Variants in PARD3B observed in about 807,000 individuals in gnomAD.
PARD3B encodes par-3 family cell polarity regulator beta, also known as partitioning defective 3 homolog B.
PARD3B carries 103 observed loss-of-function variants against 130.2 expected under a neutral mutation model. The observed-to-expected ratio is 0.79, with a 90% CI of 0.67 to 0.93. PARD3B has a LOEUF of 0.93. PARD3B is among the 40% of genes least tolerant of loss of function. PARD3B has a pLI of 0.00. For missense variants in PARD3B, 1,609 were observed against 1,499.2 expected (o/e 1.07, Z -1.21); for synonymous variants, 583 against 553.2 (o/e 1.05, Z -0.76).
chr2:204,785,811 T>C (rs1225144948), intron 2 of PARD3B, among the ~76,000 whole-genome samples: 1 of 152,184 alleles, frequency 6.6e-6, no homozygotes, highest in African/African-American at 2.4e-5. Flanking sequence ...CTTCACTGGG[T>C]ACCATTCAAA....
chr2:205,540,602 T>C (rs975103), intron 21 of PARD3B, among the ~76,000 whole-genome samples: 143,648 of 152,258 alleles, frequency 0.94, 68,313 homozygotes, highest in East Asian at 1. Context: ...TCTAACCAGC[T>C]TCCTTTGTCC....
intron 15 of PARD3B, among the ~76,000 whole-genome samples, chr2:205,221,704 C>A (rs59047826): frequency 6.7e-6 from 1 of 149,592 alleles, no homozygotes; most frequent in East Asian, 2.0e-4. Flanking sequence ...AATAAATTCT[C>A]TATGATATCA....
chr2:204,586,937 C>G (rs1574503709), intron 1 of PARD3B, among the ~76,000 whole-genome samples: 1 of 152,164 alleles, frequency 6.6e-6, no homozygotes, highest in Non-Finnish European at 1.5e-5. Context: ...GTCTATTCCT[C>G]TCAGAAACAT....
intron 11 of PARD3B, 66 bp from the exon 12 acceptor site, chr2:205,172,145 C>G: frequency 1.4e-6 from 2 of 1,459,512 alleles, no homozygotes; most frequent in Non-Finnish European, 1.9e-6. Context: ...AACTTTTCCC[C>G]AAAACGCCAC....
At chr2:204,680,076 T>TA (rs1304927132) in intron 1 of PARD3B, among the ~76,000 whole-genome samples, 2 of 152,016 alleles carry the variant, frequency 1.3e-5, no homozygotes, top group African/African-American at 2.4e-5. Context: ...CTATCTTTTT[T>TA]AAAAAAAGCT....
chr2:205,460,073 A>C lies in PARD3B; in HGVS notation c.3044+19401A>C, dbSNP rs2048399044. Among the ~76,000 whole-genome samples the C allele has an allele frequency of 6.6e-6, 1 of 152,190 alleles. No homozygotes were observed. ...AAACTAGGAACATTACAGTACCAGAAGACTTGGATGTGCTTAATTCCAGTT... is the reference window on the plus strand; with the variant it reads ...AAACTAGGAACATTACAGTACCAGACGACTTGGATGTGCTTAATTCCAGTT... On this transcript the variant is annotated intron_variant, in intron 20 of 22. Coordinates refer to ENST00000406610, the MANE Select transcript of PARD3B (RefSeq NM_001302769.2). This position sits in a 1 kb window ranked among gnomAD's most constrained non-coding sequence, Gnocchi z 4.9.
At chr2:204,885,394 G>T (rs1275038069) in intron 2 of PARD3B, among the ~76,000 whole-genome samples, 1 of 152,108 alleles carries the variant, frequency 6.6e-6, no homozygotes, top group African/African-American at 2.4e-5. Context: ...AGATGGATAG[G>T]TTGCAAAAAT....
rs925392606 is a variant in PARD3B at position 205,253,798 on chromosome 2, C to CT, written c.2185+7977dup. On this transcript the variant is annotated intron_variant, in intron 16 of 22. Coordinates refer to ENST00000406610, the MANE Select transcript of PARD3B (RefSeq NM_001302769.2). The surrounding 1 kb of genome is among the most constrained non-coding windows in gnomAD (Gnocchi z 4.4). Reference sequence around the variant, plus strand: ...AAAAAGGACCAAGTTGGATCTCCTCCTAACCCTGACCTGCATGATATGGGT... The same window carrying CT: ...AAAAAGGACCAAGTTGGATCTCCTCCTTAACCCTGACCTGCATGATATGGGT... 1.3e-5 allele frequency among the ~76,000 whole-genome samples: 2 copies of CT among 152,068 alleles called. No homozygotes were observed. Among genetic ancestry groups the CT allele is most frequent in the African/African-American group, 4.8e-5 (2 of 41,416 alleles).
At chr2:204,950,783 G>T (rs1406864791) in intron 2 of PARD3B, among the ~76,000 whole-genome samples, 1 of 152,138 alleles carries the variant, frequency 6.6e-6, no homozygotes, top group Non-Finnish European at 1.5e-5. Context: ...TCAAAGATTT[G>T]GGAGATTGCA....
intron 2 of PARD3B, among the ~76,000 whole-genome samples, chr2:204,740,755 C>G (rs77384240): frequency 6.6e-6 from 1 of 152,110 alleles, no homozygotes; most frequent in South Asian, 2.1e-4. Context: ...CATGGTGACA[C>G]CAGGGTGCAC....
rs1306770901 is a variant in PARD3B at position 205,211,235 on chromosome 2, C to G, written c.2140+17915C>G. Among the ~76,000 whole-genome samples the G allele has an allele frequency of 2.6e-5, 4 of 152,030 alleles. No homozygotes were observed. In the East Asian group the frequency reaches 7.7e-4, roughly 29 times the overall value. On this transcript the variant is annotated intron_variant, in intron 15 of 22. Coordinates refer to ENST00000406610, the MANE Select transcript of PARD3B (RefSeq NM_001302769.2). ...ATATTAGTACAAAGACTGGCATCAC[C>G]ATAAACACCTACTCTGCTTTTATAA...
intron 2 of PARD3B, among the ~76,000 whole-genome samples, chr2:204,961,878 T>A (rs540246440): frequency 6.6e-6 from 1 of 152,140 alleles, no homozygotes; most frequent in Admixed American, 6.5e-5. Flanking sequence ...TCAGTGGAGT[T>A]GAGGGGTGAG....
intron 21 of PARD3B, among the ~76,000 whole-genome samples, chr2:205,529,752 A>G (rs1468250868): frequency 6.6e-6 from 1 of 152,054 alleles, no homozygotes; most frequent in Non-Finnish European, 1.5e-5. Context: ...CCTTTTTCTT[A>G]TGGATGTAAT....
At chr2:204,555,159 C>A (rs1232223552) in intron 1 of PARD3B, among the ~76,000 whole-genome samples, 1 of 152,150 alleles carries the variant, frequency 6.6e-6, no homozygotes, top group Non-Finnish European at 1.5e-5. Flanking sequence ...AAGTCCTCTC[C>A]ACTAAGGGAA....
At chr2:205,107,839 G>A (rs951400084) in intron 5 of PARD3B, among the ~76,000 whole-genome samples, 3 of 152,158 alleles carry the variant, frequency 2.0e-5, no homozygotes, top group African/African-American at 7.2e-5. Context: ...AGACAATGAA[G>A]CAAGAGGTTT....
chr2:204,854,639 A>G lies in PARD3B; in HGVS notation c.223-110513A>G, dbSNP rs73982557. ...ATGCTGAGCACATAGCAGATACTCA[A>G]TAGCTTTCAGAATCGTTGACCTCCT... is the stretch of plus-strand genomic sequence containing the variant. On this transcript the variant is annotated intron_variant, in intron 2 of 22. Coordinates refer to ENST00000406610, the MANE Select transcript of PARD3B (RefSeq NM_001302769.2). Among the ~76,000 whole-genome samples the G allele has an allele frequency of 8.2e-3, 1,254 of 152,310 alleles. 11 individuals carry two copies. The highest frequency in any genetic ancestry group is 0.028 in the African/African-American group (1,155 of 41,560).
Position 204,545,950 on chromosome 2 carries a change from G to C in PARD3B, c.-50G>C, listed in dbSNP as rs560230530. On this transcript the variant is annotated 5_prime_UTR_variant, in exon 1 of 23. Transcript: ENST00000406610. Reference sequence around the variant, plus strand: ...CTCCGAGAGTGGGGGCTGCGCCCGCGGGGTCAGACACCTGTTCGGCCCGGC... The same window carrying C: ...CTCCGAGAGTGGGGGCTGCGCCCGCCGGGTCAGACACCTGTTCGGCCCGGC... 6.8e-7 allele frequency: 1 copy of C among 1,480,532 alleles called. No homozygotes were observed. Among genetic ancestry groups the C allele is most frequent in the Admixed American group, 2.4e-5 (1 of 42,050 alleles). 91.7% of individuals were successfully genotyped at this position (1,480,532 alleles called of 1,614,324 possible). A position where few individuals can be genotyped will look rare whatever the true frequency, so the allele number is the denominator to read the frequency against.
intron 2 of PARD3B, among the ~76,000 whole-genome samples, chr2:204,915,088 T>G (rs1171449586): frequency 6.6e-6 from 1 of 152,174 alleles, no homozygotes; most frequent in Non-Finnish European, 1.5e-5. Flanking sequence ...TCTGCACCCT[T>G]ACTGTACCTC....
intron 2 of PARD3B, among the ~76,000 whole-genome samples, chr2:204,926,586 CACA>C (rs1687635638): frequency 1.3e-5 from 2 of 152,068 alleles, no homozygotes; most frequent in Non-Finnish European, 1.5e-5. Context: ...TGGATCTCCT[CACA>C]ACATGTGAGT....
Sources: gnomAD v4.1 joint callset for allele counts (sites outside exome capture counted in the v4.1 genomes callset) on GRCh38, gnomAD v4.1.1 for gene constraint, Gnocchi (gnomAD v3.1) non-coding constraint, MANE v1.5 for transcripts, NCBI Gene and HGNC (gene_info 2026-07-23, HGNC 2026-07-21) for gene names.